Variants in GMPR observed in about 807,000 individuals in gnomAD.
GMPR encodes guanosine monophosphate reductase.
In GMPR, 31 loss-of-function variants were observed where a neutral mutation model predicts 38.4. The observed-to-expected ratio is 0.81, with a 90% CI of 0.61 to 1.09. The LOEUF is 1.09. Among genes scored for constraint, GMPR ranks in the 50% least tolerant of loss-of-function variants. GMPR has a pLI of 0.00. For missense variants in GMPR, 468 were observed against 453.7 expected, an observed-to-expected ratio of 1.03 and a Z score of -0.29; for synonymous variants, 162 against 173.3, an observed-to-expected ratio of 0.93 and a Z score of 0.51.
intron 6 of GMPR, among the ~76,000 whole-genome samples, chr6:16,279,137 T>G (rs933916636): frequency 6.6e-6 from 1 of 152,212 alleles, no homozygotes; most frequent in African/African-American, 2.4e-5. Flanking sequence ...TGCAGGCAGC[T>G]TTCAGAGCAC....
intron 6 of GMPR, among the ~76,000 whole-genome samples, chr6:16,284,554 C>A (rs77658038): frequency 0.12 from 18,453 of 152,198 alleles, 1,210 homozygotes; most frequent in Admixed American, 0.16. Context: ...GTCACGTGAG[C>A]CCTGACACTG....
chr6:16,274,309 C>A, intron 4 of GMPR, 106 bp from the exon 5 acceptor site: 1 of 745,466 alleles, frequency 1.3e-6, no homozygotes, highest in Non-Finnish European at 2.3e-6. Context: ...CCCCAGCTGC[C>A]TGGTGGCTTT....
chr6:16,246,998 T>C lies in GMPR; in HGVS notation c.207+37T>C, dbSNP rs778957545. 2.5e-6 allele frequency: 4 copies of C among 1,605,712 alleles called. No homozygotes were observed. The Admixed American group carries it at 5.1e-5, about 20-fold the overall frequency. On this transcript the variant is annotated intron_variant, in intron 2 of 8. Coordinates refer to ENST00000259727, the MANE Select transcript of GMPR (RefSeq NM_006877.4). ...GGCTTTTGTTTTTTCCCTTTGCTGC[T>C]CACACTGTGGACAGGTTATCAGGAG...
chr6:16,257,690 G>A (rs1016805417), intron 4 of GMPR, among the ~76,000 whole-genome samples: 2 of 152,172 alleles, frequency 1.3e-5, no homozygotes, highest in African/African-American at 4.8e-5. Context: ...CCAAAATCAA[G>A]GTGTTGGCTG....
chr6:16,288,271 C>T (rs1041056673), intron 7 of GMPR, among the ~76,000 whole-genome samples: 5 of 152,382 alleles, frequency 3.3e-5, no homozygotes, highest in Non-Finnish European at 7.3e-5. Flanking sequence ...GCGCGAGTGG[C>T]AACCGAGGAT....
At chr6:16,244,746 TCTCTGCTAGTGAA>T (rs1379843827) in intron 1 of GMPR, among the ~76,000 whole-genome samples, 1 of 152,182 alleles carries the variant, frequency 6.6e-6, no homozygotes, top group Non-Finnish European at 1.5e-5. Context: ...AAAATATTTA[TCTCTGCTAGTGAA>T]CAACTGGCCT....
intron 4 of GMPR, among the ~76,000 whole-genome samples, chr6:16,256,505 GGAGACAGAGTGAGACTCT>G: frequency 6.9e-6 from 1 of 145,472 alleles, no homozygotes; most frequent in East Asian, 2.0e-4. Context: ...CTCTAGCCTG[GGAGACAGAGTGAGACTCT>G]GTCTCAAAAA....
intron 1 of GMPR, among the ~76,000 whole-genome samples, chr6:16,239,976 G>A (rs1758615628): frequency 6.6e-6 from 1 of 152,236 alleles, no homozygotes; most frequent in South Asian, 2.1e-4. Flanking sequence ...AGGTGCTAAA[G>A]AGGGGGCCTC....
At chr6:16,289,253 A>G (rs929810508) in intron 7 of GMPR, among the ~76,000 whole-genome samples, 4 of 152,212 alleles carry the variant, frequency 2.6e-5, no homozygotes, top group African/African-American at 9.7e-5. Context: ...TGTTACACTC[A>G]CAGTGAGAGT....
chr6:16,284,621 G>A (rs977574509), intron 6 of GMPR, among the ~76,000 whole-genome samples: 2 of 152,166 alleles, frequency 1.3e-5, no homozygotes, highest in African/African-American at 2.4e-5. Flanking sequence ...TCTGGCTGCT[G>A]CTCCAGCGTA....
chr6:16,290,696 C>T, intron 8 of GMPR, 75 bp downstream of exon 8: 2 of 1,270,774 alleles, frequency 1.6e-6, no homozygotes, highest in Admixed American at 3.5e-5. Flanking sequence ...GGAAGCAGGT[C>T]TGAATAGCAG....
intron 4 of GMPR, among the ~76,000 whole-genome samples, chr6:16,257,543 C>A (rs1452206017): frequency 6.6e-6 from 1 of 152,150 alleles, no homozygotes; most frequent in Non-Finnish European, 1.5e-5. Flanking sequence ...TCTTTACTTT[C>A]CAGCTGGTTG....
At chr6:16,289,766 A>G (rs1759797195) in intron 7 of GMPR, among the ~76,000 whole-genome samples, 1 of 150,588 alleles carries the variant, frequency 6.6e-6, no homozygotes, top group South Asian at 2.1e-4. Context: ...TCAAGTACAG[A>G]CCAGACACCT....
At chr6:16,247,673 C>A (rs748334860) in intron 2 of GMPR, among the ~76,000 whole-genome samples, 3 of 152,144 alleles carry the variant, frequency 2.0e-5, no homozygotes, top group Non-Finnish European at 4.4e-5. Context: ...CCATGCCCGG[C>A]CTGTATCTCT....
intron 4 of GMPR, chr6:16,264,562 G>A (rs1759153353): frequency 6.6e-6 from 1 of 152,270 alleles, no homozygotes; most frequent in Non-Finnish European, 1.5e-5. Context: ...GGTGCAGGCG[G>A]GCTGAGTCCG....
chr6:16,265,803 A>C (rs143700225), intron 4 of GMPR, among the ~76,000 whole-genome samples: 100 of 152,170 alleles, frequency 6.6e-4, no homozygotes, highest in African/African-American at 2.2e-3. Context: ...CGGATAACCC[A>C]CTCCGGAACC....
chr6:16,274,453 T>G lies in GMPR; in HGVS notation c.504T>G (p.Leu168=). The part of the protein sequence containing the change: ...NVVTGEMVEE[L]ILSGADIIKV... ...TGACAGGAGAAATGGTAGAAGAGCTTATTCTTTCCGGAGCAGATATCATCA... is the reference window on the plus strand; with the variant it reads ...TGACAGGAGAAATGGTAGAAGAGCTGATTCTTTCCGGAGCAGATATCATCA... Residue 168 remains leucine (L), a synonymous_variant, in exon 5 of 9, where the codon CTT becomes CTG. Coordinates refer to ENST00000259727, the MANE Select transcript of GMPR (RefSeq NM_006877.4). The G allele has an allele frequency of 6.2e-7, 1 of 1,610,378 alleles. No homozygotes were observed. Among genetic ancestry groups the G allele is most frequent in the Non-Finnish European group, 8.5e-7 (1 of 1,176,542 alleles).
chr6:16,278,086 T>C (rs1249082129), intron 5 of GMPR, among the ~76,000 whole-genome samples: 1 of 152,124 alleles, frequency 6.6e-6, no homozygotes, highest in East Asian at 1.9e-4. Context: ...GTGTGAGCCC[T>C]GGCCTGGAAG....
chr6:16,241,159 T>C (rs1758641065), intron 1 of GMPR, among the ~76,000 whole-genome samples: 1 of 152,018 alleles, frequency 6.6e-6, no homozygotes. Context: ...AACTGAAGGG[T>C]AGATGACCGA....
Sources: allele counts gnomAD v4.1 joint callset (sites outside exome capture counted in the v4.1 genomes callset), GRCh38; gene constraint gnomAD v4.1.1; transcripts MANE v1.5; gene names NCBI Gene and HGNC (gene_info 2026-07-23, HGNC 2026-07-21).